CCDC170: variants seen among roughly 807,000 people sequenced by gnomAD.
The protein encoded by CCDC170 is coiled-coil domain-containing protein 170.
CCDC170 carries 69 observed loss-of-function variants against 72.6 expected under a neutral mutation model. That is an observed-to-expected ratio of 0.95 (90% CI 0.78 to 1.16). The LOEUF (loss-of-function observed/expected upper bound fraction) is 1.16, where lower values mean the gene tolerates loss of function less well. Ranked by LOEUF, CCDC170 falls within the 50% of genes most tolerant of loss-of-function variation. The pLI is 0.00. For missense variants in CCDC170, 852 were observed against 832.5 expected, an observed-to-expected ratio of 1.02 and a Z score of -0.29; for synonymous variants, 300 against 303.9, an observed-to-expected ratio of 0.99 and a Z score of 0.13.
intron 1 of CCDC170, among the ~76,000 whole-genome samples, chr6:151,514,163 T>C (rs1413800064): frequency 6.6e-6 from 1 of 150,984 alleles, no homozygotes; most frequent in Non-Finnish European, 1.5e-5. Context: ...TAGCTGGGCG[T>C]GGTGGCACGT....
chr6:151,547,029 G>A (rs563171688), intron 4 of CCDC170, among the ~76,000 whole-genome samples: 1 of 151,382 alleles, frequency 6.6e-6, no homozygotes, highest in East Asian at 1.9e-4. Flanking sequence ...AGATCAGGAA[G>A]TCTGCTGTCT....
chr6:151,540,767 C>T (rs574806858), intron 3 of CCDC170, among the ~76,000 whole-genome samples: 162 of 152,140 alleles, frequency 1.1e-3, no homozygotes, highest in Admixed American at 2.2e-3. Flanking sequence ...AAGGCCCAAC[C>T]TCCAAATATT....
chr6:151,617,783 G>A (rs1192391602), intron 10 of CCDC170, among the ~76,000 whole-genome samples, 164 bp from the exon 11 acceptor site: 5 of 152,068 alleles, frequency 3.3e-5, no homozygotes, highest in Non-Finnish European at 7.4e-5. Context: ...TGACTTATCT[G>A]GAATCTGGTA....
chr6:151,617,951 C>T lies in CCDC170; in HGVS notation c.1952C>T (p.Ala651Val). The change falls in exon 11 of 11, where the codon GCA becomes GTA. Residue 651 changes from alanine (A) to valine (V), a missense_variant. Transcript: ENST00000239374. Reference sequence around the variant, plus strand: ...AGTTTCTGTTTGATATTGCAGCTGGCAGACTTCAGGGAGGTGGTGTCGCAG... The same window carrying T: ...AGTTTCTGTTTGATATTGCAGCTGGTAGACTTCAGGGAGGTGGTGTCGCAG... The part of the protein sequence containing the change: ...EEAEKREKQL[A>V]DFREVVSQML... 1 of 1,611,634 alleles carries T rather than the reference C, an allele frequency of 6.2e-7. No individual in the cohort carries two copies. The highest frequency in any genetic ancestry group is 2.2e-5 in the East Asian group (1 of 44,792).
chr6:151,536,320 A>C lies in CCDC170; in HGVS notation c.60A>C (p.Glu20Asp). 6.2e-7 allele frequency: 1 copy of C among 1,613,212 alleles called. No individual in the cohort carries two copies. The highest frequency in any genetic ancestry group is 1.3e-5 in the African/African-American group (1 of 75,042). ...GTATTTTGGGGGAATTCTACCAGGA[A>C]ACTTACGATCATCTTTCGGAAGTCC... ...ALGAASPAPE[E>D]TYDHLSEVPV... The change falls in exon 2 of 11, where the codon GAA becomes GAC. Residue 20 changes from glutamate (E) to aspartate (D), a missense_variant and splice_region_variant. Physicochemically the swap from Glu to Asp is conservative, Grantham distance 45. Coordinates refer to ENST00000239374, the MANE Select transcript of CCDC170 (RefSeq NM_025059.4).
chr6:151,558,192 T>C (rs1045454651), intron 5 of CCDC170, among the ~76,000 whole-genome samples: 7 of 151,614 alleles, frequency 4.6e-5, no homozygotes, highest in African/African-American at 1.5e-4. Context: ...GTTCTATTCA[T>C]GTCTATTCAT....
chr6:151,534,682 A>G (rs543007497), intron 1 of CCDC170, among the ~76,000 whole-genome samples: 1 of 152,208 alleles, frequency 6.6e-6, no homozygotes, highest in East Asian at 1.9e-4. Flanking sequence ...TGATTGGCAA[A>G]CAGTAGCTAT....
At chr6:151,513,668 A>C (rs1782182519) in intron 1 of CCDC170, among the ~76,000 whole-genome samples, 1 of 149,242 alleles carries the variant, frequency 6.7e-6, no homozygotes, top group South Asian at 2.1e-4. Flanking sequence ...CTGTAATCCC[A>C]GCACTTTGGG....
intron 3 of CCDC170, among the ~76,000 whole-genome samples, chr6:151,541,586 C>T (rs1306077927): frequency 1.3e-5 from 2 of 151,650 alleles, no homozygotes; most frequent in Non-Finnish European, 2.9e-5. Flanking sequence ...ATGATGGGTA[C>T]TCAATAAGTA....
At chr6:151,515,804 A>G (rs1314112755) in intron 1 of CCDC170, among the ~76,000 whole-genome samples, 2 of 152,232 alleles carry the variant, frequency 1.3e-5, no homozygotes, top group Non-Finnish European at 2.9e-5. Flanking sequence ...GCAGTGGCTC[A>G]TGCCTATAAT....
At chr6:151,596,688 TC>T (rs1776631240) in intron 9 of CCDC170, 111 bp downstream of exon 9, 1 of 1,434,170 alleles carries the variant, frequency 7.0e-7, no homozygotes, top group Non-Finnish European at 9.3e-7. Flanking sequence ...GATGAAAGCC[TC>T]CTCTGATTTT....
At chr6:151,543,252 A>G (rs986944579) in intron 3 of CCDC170, among the ~76,000 whole-genome samples, 1 of 152,192 alleles carries the variant, frequency 6.6e-6, no homozygotes, top group Non-Finnish European at 1.5e-5. Flanking sequence ...ATAATGGACC[A>G]TAAATTTCCT....
chr6:151,538,093 G>C lies in CCDC170; in HGVS notation c.235G>C (p.Glu79Gln). The C allele has an allele frequency of 6.2e-7, 1 of 1,612,852 alleles. No individual in the cohort carries two copies. The highest frequency in any genetic ancestry group is 1.1e-5 in the South Asian group (1 of 91,046). The change falls in exon 3 of 11, where the codon GAA (glutamate) becomes CAA (glutamine). Residue 79 changes from glutamate to glutamine, a missense_variant. Transcript: ENST00000239374. ...GCTTTCTAAAGAAGTCTCCTGTCAA[G>C]AACTGAAAGCTGAAATGGAGAGCTA... ...KMLSKEVSCQ[E>Q]LKAEMESYKE... is the part of the protein sequence containing the mutation.
chr6:151,507,505 T>A lies in CCDC170; in HGVS notation c.57+13320T>A, dbSNP rs182563849. Among the ~76,000 whole-genome samples, 419 of 152,226 alleles carry A rather than the reference T, an allele frequency of 2.8e-3. 3 individuals are homozygous for A. The highest frequency in any genetic ancestry group is 9.0e-3 in the African/African-American group (372 of 41,524). On this transcript the variant is annotated intron_variant, in intron 1 of 10. Coordinates refer to ENST00000239374, the MANE Select transcript of CCDC170 (RefSeq NM_025059.4). ...TTTATACTAATGCAGTCACAAAAAA[T>A]TATTTTTAATATCTTCTATGAAAGA...
chr6:151,611,303 A>T (rs1237785095), intron 9 of CCDC170, among the ~76,000 whole-genome samples: 1 of 152,098 alleles, frequency 6.6e-6, no homozygotes. Flanking sequence ...AAGTTATCTT[A>T]GTCTATTAAG....
intron 9 of CCDC170, among the ~76,000 whole-genome samples, chr6:151,610,099 T>A (rs1486614560): frequency 6.6e-6 from 1 of 152,226 alleles, no homozygotes; most frequent in Admixed American, 6.5e-5. Flanking sequence ...ATTTTCTTTG[T>A]AGCAGTGAGA....
chr6:151,604,798 C>T (rs1242386178), intron 9 of CCDC170, among the ~76,000 whole-genome samples: 1 of 152,042 alleles, frequency 6.6e-6, no homozygotes, highest in East Asian at 1.9e-4. Context: ...TTTTGGGATA[C>T]AGAGTGATAT....
intron 3 of CCDC170, among the ~76,000 whole-genome samples, chr6:151,541,423 T>C (rs6923552): frequency 0.76 from 115,012 of 151,948 alleles, 43,884 homozygotes; most frequent in African/African-American, 0.84. Flanking sequence ...CACTATCTTG[T>C]CCAGGCTGGC....
At position 151,593,142 on chromosome 6, in the gene CCDC170, G is replaced by T; in HGVS notation, c.1329G>T (p.Met443Ile). 1 of 1,614,228 alleles carries T rather than the reference G, an allele frequency of 6.2e-7. No homozygotes were observed. Among genetic ancestry groups the T allele is most frequent in the Non-Finnish European group, 8.5e-7 (1 of 1,180,044 alleles). ...LKFLDQLSQK[M>I]KLDQMAAELG... Reference sequence around the variant, plus strand: ...TTCTGGATCAGCTTTCTCAGAAAATGAAGTTGGACCAGATGGCTGCCGAAC... The same window carrying T: ...TTCTGGATCAGCTTTCTCAGAAAATTAAGTTGGACCAGATGGCTGCCGAAC... Residue 443 changes from methionine (M) to isoleucine (I), a missense_variant, in exon 8 of 11, where the codon ATG (methionine) becomes ATT (isoleucine). Met to Ile is a conservative substitution (Grantham distance 10). Coordinates refer to ENST00000239374, the MANE Select transcript of CCDC170 (RefSeq NM_025059.4).
Sources: gnomAD v4.1 joint callset for allele counts (sites outside exome capture counted in the v4.1 genomes callset) on GRCh38, gnomAD v4.1.1 for gene constraint, MANE v1.5 for transcripts, NCBI Gene and HGNC (gene_info 2026-07-23, HGNC 2026-07-21) for gene names.